Variants in MAD1L1 observed in about 807,000 individuals in gnomAD.
The protein encoded by MAD1L1 is mitotic spindle assembly checkpoint protein MAD1.
MAD1L1 carries 95 observed loss-of-function variants against 96.9 expected under a neutral mutation model. The ratio of observed to expected loss-of-function variants is 0.98; its 90% CI spans 0.83 to 1.16. The LOEUF is 1.16. MAD1L1 is among the 50% of genes most tolerant of loss of function. The pLI, the probability that MAD1L1 is intolerant of heterozygous loss-of-function variation, is 0.00. For synonymous variants in MAD1L1, 473 were observed against 396.6 expected, an observed-to-expected ratio of 1.19 and a Z score of -2.29; for missense variants, 1,007 against 954.4, an observed-to-expected ratio of 1.06 and a Z score of -0.73.
At chr7:2,217,418 G>C (rs1793349851) in intron 7 of MAD1L1, among the ~76,000 whole-genome samples, 1 of 152,250 alleles carries the variant, frequency 6.6e-6, no homozygotes, top group Non-Finnish European at 1.5e-5. Flanking sequence ...GTGCCGGGCA[G>C]CTCTGCAGCC....
intron 17 of MAD1L1, among the ~76,000 whole-genome samples, chr7:1,900,827 G>A (rs1787196476): frequency 6.6e-6 from 1 of 152,210 alleles, no homozygotes; most frequent in East Asian, 1.9e-4. Context: ...AGCTGCCTGT[G>A]CCGCTCACAG....
At chr7:2,111,430 A>C (rs909157168) in intron 11 of MAD1L1, among the ~76,000 whole-genome samples, 1 of 152,232 alleles carries the variant, frequency 6.6e-6, no homozygotes, top group Non-Finnish European at 1.5e-5. Context: ...GGAATGAATG[A>C]GGTACAGTCT....
intron 13 of MAD1L1, among the ~76,000 whole-genome samples, chr7:2,002,836 G>A (rs539106180): frequency 6.6e-6 from 1 of 152,340 alleles, no homozygotes; most frequent in African/African-American, 2.4e-5. Context: ...CCTGCACGGT[G>A]CATGGGGCTC....
intron 10 of MAD1L1, among the ~76,000 whole-genome samples, chr7:2,209,521 A>G (rs1792786532): frequency 6.6e-6 from 1 of 152,214 alleles, no homozygotes. Flanking sequence ...AACAGTGGCC[A>G]CAAGCCCCTC....
intron 9 of MAD1L1, among the ~76,000 whole-genome samples, chr7:2,215,332 C>G (rs1045786704): frequency 1.0e-4 from 15 of 146,216 alleles, no homozygotes; most frequent in African/African-American, 3.6e-4. Context: ...GAGCCGAGAT[C>G]GCACCATTGC....
At chr7:1,939,023 ATGGGCCAGGGCTGGGGC>A (rs1778793977) in intron 16 of MAD1L1, among the ~76,000 whole-genome samples, 1 of 115,246 alleles carries the variant, frequency 8.7e-6, no homozygotes, top group African/African-American at 3.4e-5. Context: ...ACACACACAC[ATGGGCCAGGGCTGGGGC>A]CAGAGGCACA....
chr7:1,863,234 C>T (rs559248974), intron 18 of MAD1L1, among the ~76,000 whole-genome samples: 11 of 152,242 alleles, frequency 7.2e-5, no homozygotes, highest in South Asian at 2.1e-4. Flanking sequence ...GAGCCCAGGG[C>T]GGGGTGAATG....
intron 12 of MAD1L1, among the ~76,000 whole-genome samples, chr7:2,030,502 T>G (rs1428224241): frequency 6.6e-6 from 1 of 152,234 alleles, no homozygotes; most frequent in African/African-American, 2.4e-5. Flanking sequence ...TTACGCTAAT[T>G]AGAGCCTGTT....
At chr7:2,105,414 AG>A (rs1160234081) in intron 11 of MAD1L1, among the ~76,000 whole-genome samples, 1 of 129,560 alleles carries the variant, frequency 7.7e-6, no homozygotes, top group Admixed American at 8.9e-5. Context: ...GCCTGGCAGC[AG>A]CAGGCAGAGC....
At chr7:2,219,664 G>C (rs1211920694) in intron 5 of MAD1L1, among the ~76,000 whole-genome samples, 1 of 136,976 alleles carries the variant, frequency 7.3e-6, no homozygotes. Flanking sequence ...GATGGCAAGG[G>C]GGCAAGGGGG....
intron 12 of MAD1L1, among the ~76,000 whole-genome samples, chr7:2,042,011 A>G (rs1301322293): frequency 6.6e-6 from 1 of 152,148 alleles, no homozygotes; most frequent in East Asian, 1.9e-4. Context: ...GGACCATCCA[A>G]GAAAGACTTA....
At chr7:2,077,347 C>T (rs1457278050) in intron 11 of MAD1L1, among the ~76,000 whole-genome samples, 1 of 152,216 alleles carries the variant, frequency 6.6e-6, no homozygotes, top group East Asian at 1.9e-4. Context: ...GATTTTTAAT[C>T]ATCTCGATTT....
intron 11 of MAD1L1, among the ~76,000 whole-genome samples, chr7:2,123,638 C>T (rs1053197012): frequency 6.6e-6 from 1 of 152,180 alleles, no homozygotes; most frequent in African/African-American, 2.4e-5. Flanking sequence ...CAGCAGCCCT[C>T]AAGCGAGGAC....
chr7:2,052,089 C>G (rs985446024), intron 12 of MAD1L1, among the ~76,000 whole-genome samples: 3 of 152,146 alleles, frequency 2.0e-5, no homozygotes, highest in African/African-American at 7.2e-5. Context: ...AAGGAGCCCC[C>G]GGCAGGCCAA....
intron 18 of MAD1L1, among the ~76,000 whole-genome samples, chr7:1,842,224 T>A (rs1428222249): frequency 6.6e-6 from 1 of 152,190 alleles, no homozygotes; most frequent in Admixed American, 6.5e-5. Context: ...GCAACTACCA[T>A]GCCGGTAATT....
At chr7:2,139,371 C>A (rs1034039417) in intron 11 of MAD1L1, among the ~76,000 whole-genome samples, 1 of 151,944 alleles carries the variant, frequency 6.6e-6, no homozygotes, top group African/African-American at 2.4e-5. Flanking sequence ...AAGGCGGGAG[C>A]GCTGCGGGCC....
intron 11 of MAD1L1, among the ~76,000 whole-genome samples, chr7:2,117,553 G>A (rs1787771027): frequency 6.6e-6 from 1 of 152,186 alleles, no homozygotes; most frequent in South Asian, 2.1e-4. Flanking sequence ...CTGCTCACGT[G>A]ATAGTGAGCT....
chr7:2,191,857 TTCGTCTC>T (rs1373854772), intron 10 of MAD1L1, among the ~76,000 whole-genome samples: 4 of 151,772 alleles, frequency 2.6e-5, no homozygotes, highest in Non-Finnish European at 4.4e-5. Context: ...ATGGTGAAAC[TTCGTCTC>T]TACTAAAAAT....
At chr7:2,091,891 T>C (rs1286275458) in intron 11 of MAD1L1, among the ~76,000 whole-genome samples, 6 of 152,254 alleles carry the variant, frequency 3.9e-5, no homozygotes, top group Admixed American at 2.6e-4. Context: ...GTTCCTCTGT[T>C]ACAGGGTGTT....
Sources: allele counts gnomAD v4.1 joint callset (sites outside exome capture counted in the v4.1 genomes callset), GRCh38; gene constraint gnomAD v4.1.1; transcripts MANE v1.5; gene names NCBI Gene and HGNC (gene_info 2026-07-23, HGNC 2026-07-21).